The following FAM174C variants were observed in gnomAD, a reference collection of about 807,000 sequenced individuals.
FAM174C encodes the protein family with sequence similarity 174 member C, also known as protein FAM174C.
A neutral mutation model predicts 12.3 loss-of-function variants in FAM174C; 19 were observed. The observed-to-expected ratio is 1.55, with a 90% CI of 1.08 to 2.27. The LOEUF (loss-of-function observed/expected upper bound fraction) is 2.27. Among genes scored for constraint, FAM174C ranks in the 30% most tolerant of loss-of-function variants. The pLI is 0.00. For missense variants in FAM174C, 239 were observed against 190.2 expected, an observed-to-expected ratio of 1.26 and a Z score of -1.51; for synonymous variants, 147 against 103.5, an observed-to-expected ratio of 1.42 and a Z score of -2.55.
rs768333244 is a variant in FAM174C at position 1,275,738 on chromosome 19, G to T, written c.189G>T (p.Pro63=). ...ACAACAGCACGCACACGCGTCCGCC[G>T]GGGGCGTCGGGCTCGGCGCTGACGC... ...APHNSTHTRP[P]GASGSALTRS... Residue 63 remains proline, a synonymous_variant, in exon 1 of 3, where the codon CCG becomes CCT. Coordinates refer to ENST00000409293, the MANE Select transcript of FAM174C (RefSeq NM_017914.4). 1.3e-6 allele frequency: 2 copies of T among 1,533,646 alleles called. No individual in the cohort carries two copies. Among genetic ancestry groups the T allele is most frequent in the Non-Finnish European group, 1.7e-6 (2 of 1,144,104 alleles).
Position 1,279,145 on chromosome 19 carries a change from C to T in FAM174C, c.*368C>T, listed in dbSNP as rs1441884595. 1 of 1,613,048 alleles carries T rather than the reference C, an allele frequency of 6.2e-7. No homozygotes were observed. The highest frequency in any genetic ancestry group is 1.7e-5 in the Admixed American group (1 of 60,020). ...GGGACATGGCAGCCCAGAGCCAAGG[C>T]TGGGTGGGCAGGTGACCCAAGGAAC... On this transcript the variant is annotated 3_prime_UTR_variant, in exon 3 of 3. Transcript: ENST00000409293.
Position 1,276,085 on chromosome 19 carries a change from G to A in FAM174C, c.281+255G>A, listed in dbSNP as rs369822915. On this transcript the variant is annotated intron_variant, in intron 1 of 2. Transcript: ENST00000409293. ...GCGCGCCGCCTCTTAACTCGGGGGT[G>A]ACGCTGCCCGTTTCCCAGGTGGGGC... The A allele has an allele frequency of 6.1e-4, 309 of 507,320 alleles. 2 individuals are homozygous for A. In the East Asian group the frequency reaches 0.011, roughly 18 times the overall value. The allele number at this position is 507,320 out of a possible 1,614,324, so 31.4% of individuals were successfully genotyped here.
chr19:1,279,153 G>A lies in FAM174C; in HGVS notation c.*376G>A, dbSNP rs372989071. On this transcript the variant is annotated 3_prime_UTR_variant, in exon 3 of 3. Coordinates refer to ENST00000409293, the MANE Select transcript of FAM174C (RefSeq NM_017914.4). ...GCAGCCCAGAGCCAAGGCTGGGTGG[G>A]CAGGTGACCCAAGGAACCTTTCTGG... The A allele has an allele frequency of 4.9e-5, 79 of 1,612,846 alleles. No individual in the cohort carries two copies. The highest frequency in any genetic ancestry group is 6.4e-5 in the Non-Finnish European group (76 of 1,179,928).
rs182862456 is a variant in FAM174C, at chr19:1,279,185, C to T, written c.*408C>T. On this transcript the variant is annotated 3_prime_UTR_variant, in exon 3 of 3. Transcript: ENST00000409293. ...ACCCAAGGAACCTTTCTGGGAACACCTTCTCGCCGGGCTGGGAACAATAAA... is the reference window on the plus strand; with the variant it reads ...ACCCAAGGAACCTTTCTGGGAACACTTTCTCGCCGGGCTGGGAACAATAAA... 3.1e-6 allele frequency: 5 copies of T among 1,612,252 alleles called. No individual in the cohort carries two copies. The East Asian group carries it at 6.7e-5, about 22-fold the overall frequency.
In FAM174C at chr19:1,275,555, GC is replaced by G; in HGVS notation, c.8del (p.Pro3ArgfsTer43). The G allele has an allele frequency of 8.2e-7, 1 of 1,216,650 alleles. No homozygotes were observed. Among genetic ancestry groups the G allele is most frequent in the Non-Finnish European group, 1.0e-6 (1 of 979,274 alleles). The allele number at this position is 1,216,650 out of a possible 1,614,324, so 75.4% of individuals were successfully genotyped here. On this transcript the variant is annotated frameshift_variant, in exon 1 of 3. Coordinates refer to ENST00000409293, the MANE Select transcript of FAM174C (RefSeq NM_017914.4). LOFTEE classifies it high-confidence loss of function. MG[P>X]RVLQPPLLLL... ...GCCACCGCTTCCGCCGGGCCATGGG[GC>G]CGCGCGTGCTGCAGCCGCCGCTGCT...
intron 1 of FAM174C, chr19:1,276,947 T>G (rs2081418215): frequency 2.2e-6 from 1 of 445,812 alleles, no homozygotes; most frequent in Non-Finnish European, 3.7e-6. Context: ...CCTGGGGTCC[T>G]GGCGCAGGGG....
intron 1 of FAM174C, 181 bp from the exon 2 acceptor site, chr19:1,277,002 C>T (rs1895399149): frequency 5.1e-6 from 5 of 980,202 alleles, no homozygotes; most frequent in Non-Finnish European, 7.1e-6. Flanking sequence ...ACTGTCATCG[C>T]CATGGGAGTG....
At chr19:1,275,943 T>TCCCTCC in intron 1 of FAM174C, 113 bp downstream of exon 1, 1 of 961,738 alleles carries the variant, frequency 1.0e-6, no homozygotes, top group Non-Finnish European at 1.5e-6. Flanking sequence ...TCCCTCCCTC[T>TCCCTCC]CTCCCTGTTG....
At chr19:1,275,947 C>G (rs1462938436) in intron 1 of FAM174C, 117 bp downstream of exon 1, 2 of 985,140 alleles carry the variant, frequency 2.0e-6, no homozygotes, top group African/African-American at 1.7e-5. Flanking sequence ...TCCCTCTCTC[C>G]CTGTTGGAGT....
At chr19:1,278,531 C>T (rs2081425551) in intron 2 of FAM174C, among the ~76,000 whole-genome samples, 1 of 152,100 alleles carries the variant, frequency 6.6e-6, no homozygotes, top group Admixed American at 6.5e-5. Flanking sequence ...CCTCCGCATG[C>T]TCTGACTCCA....
In FAM174C at chr19:1,279,017, C is replaced by T; in HGVS notation, c.*240C>T. 6.2e-7 allele frequency: 1 copy of T among 1,611,764 alleles called. No individual in the cohort carries two copies. Among genetic ancestry groups the T allele is most frequent in the Non-Finnish European group, 8.5e-7 (1 of 1,179,960 alleles). On this transcript the variant is annotated 3_prime_UTR_variant, in exon 3 of 3. Transcript: ENST00000409293. ...CCTCCTGGATGCTGTCCCAGCCTGG[C>T]CGAGGGTCCCAGGTGAAGACTGGAG...
chr19:1,277,705 C>T (rs113818967), intron 2 of FAM174C, among the ~76,000 whole-genome samples: 163 of 152,154 alleles, frequency 1.1e-3, no homozygotes, highest in Admixed American at 3.5e-3. Context: ...AGCTCCTTAC[C>T]TCAGGTGATC....
Position 1,278,792 on chromosome 19 carries a change from G to C in FAM174C, c.*15G>C. ...CTGCTTTCAGATGCTGAGCCAGGGA[G>C]GCGGCCCTTCCAGCAGCCATGAGGG... On this transcript the variant is annotated 3_prime_UTR_variant, in exon 3 of 3. Transcript: ENST00000409293. 1 of 1,612,858 alleles carries C rather than the reference G, an allele frequency of 6.2e-7. No individual in the cohort carries two copies. The highest frequency in any genetic ancestry group is 8.5e-7 in the Non-Finnish European group (1 of 1,179,864).
Position 1,279,084 on chromosome 19 carries a change from CCTGA to C in FAM174C, c.*311_*314del. ...CGCCCAGGACGCTGAGGCTCCCTTG[CCTGA>C]CTGTGACTTGTGCCTCTCTCCTGCC... is the stretch of plus-strand genomic sequence containing the variant. On this transcript the variant is annotated 3_prime_UTR_variant, in exon 3 of 3. Coordinates refer to ENST00000409293, the MANE Select transcript of FAM174C (RefSeq NM_017914.4). 3.7e-6 allele frequency: 6 copies of C among 1,612,594 alleles called. No individual in the cohort carries two copies. The highest frequency in any genetic ancestry group is 1.3e-5 in the African/African-American group (1 of 75,058).
chr19:1,277,393 C>T (rs2081420396), intron 2 of FAM174C, 94 bp downstream of exon 2: 14 of 1,468,230 alleles, frequency 9.5e-6, no homozygotes, highest in Middle Eastern at 2.4e-4. Flanking sequence ...ATGGAGTGGT[C>T]CCTGCAATCA....
intron 2 of FAM174C, among the ~76,000 whole-genome samples, chr19:1,278,226 G>GT (rs5826727): frequency 0.064 from 721 of 11,312 alleles, 3 homozygotes; most frequent in South Asian, 0.11. Context: ...GCCTCTCCCT[G>GT]GTGTAATGGG....
At chr19:1,275,892 GT>G (rs1167330507) in intron 1 of FAM174C, 62 bp downstream of exon 1, 1 of 1,467,942 alleles carries the variant, frequency 6.8e-7, no homozygotes, top group African/African-American at 1.4e-5. Context: ...CGCCTAGTGC[GT>G]CACGTGCCGG....
intron 1 of FAM174C, 170 bp downstream of exon 1, chr19:1,276,000 G>A (rs1024471256): frequency 3.1e-6 from 2 of 649,164 alleles, no homozygotes; most frequent in South Asian, 3.9e-5. Context: ...TGGTGTGGGC[G>A]GTGCAGGGGC....
In FAM174C at chr19:1,278,815, G is replaced by A. The variant is rs753554140; in HGVS notation, c.*38G>A. 7 of 1,613,058 alleles carry A rather than the reference G, an allele frequency of 4.3e-6. No homozygotes were observed. Among genetic ancestry groups the A allele is most frequent in the Middle Eastern group, 1.7e-4 (1 of 6,058 alleles). On this transcript the variant is annotated 3_prime_UTR_variant, in exon 3 of 3. Transcript: ENST00000409293. ...GAGGCGGCCCTTCCAGCAGCCATGA[G>A]GGAAGGACAGGAGATGGGGCCCACC... is the stretch of plus-strand genomic sequence containing the variant.
Sources: gnomAD v4.1 joint callset for allele counts (sites outside exome capture counted in the v4.1 genomes callset) on GRCh38, gnomAD v4.1.1 for gene constraint, MANE v1.5 for transcripts, NCBI Gene and HGNC (gene_info 2026-07-23, HGNC 2026-07-21) for gene names.